Variants in PLCG2 observed in about 807,000 individuals in gnomAD.
PLCG2 encodes phospholipase C gamma 2, also known as 1-phosphatidylinositol 4,5-bisphosphate phosphodiesterase gamma-2.
A neutral mutation model predicts 175.6 loss-of-function variants in PLCG2; 69 were observed. That is an observed-to-expected ratio of 0.39 (90% CI 0.32 to 0.48). The LOEUF is 0.48. Ranked by LOEUF, PLCG2 falls within the 20% of genes least tolerant of loss-of-function variation. The pLI, the probability that PLCG2 is intolerant of heterozygous loss-of-function variation, is 0.91. For missense variants in PLCG2, 1,798 were observed against 1,650.9 expected, an observed-to-expected ratio of 1.09 and a Z score of -1.54; for synonymous variants, 827 against 624.0, an observed-to-expected ratio of 1.33 and a Z score of -4.85.
At chr16:81,889,498 C>A (rs968492887) in intron 10 of PLCG2, 4 of 436,016 alleles carry the variant, frequency 9.2e-6, no homozygotes, top group African/African-American at 2.0e-5. Flanking sequence ...TGCCTGCTGC[C>A]TAGACAGAAC....
intron 13 of PLCG2, chr16:81,897,937 C>T (rs1908971099): frequency 2.2e-6 from 1 of 448,782 alleles, no homozygotes; most frequent in African/African-American, 2.0e-5. Context: ...CGTCTTTTCG[C>T]ACTTGGTGAA....
intron 24 of PLCG2, among the ~76,000 whole-genome samples, chr16:81,930,489 T>C (rs1910454439): frequency 6.6e-6 from 1 of 152,190 alleles, no homozygotes; most frequent in Non-Finnish European, 1.5e-5. Context: ...GGCTCATTCC[T>C]GTAATCCCAG....
chr16:81,890,129 C>T (rs933764650), intron 10 of PLCG2, among the ~76,000 whole-genome samples: 3 of 152,022 alleles, frequency 2.0e-5, no homozygotes, highest in Non-Finnish European at 4.4e-5. Context: ...TCTCAAAAGG[C>T]CAATCTTAGG....
At chr16:81,850,753 C>G (rs993125779) in intron 2 of PLCG2, among the ~76,000 whole-genome samples, 1 of 152,134 alleles carries the variant, frequency 6.6e-6, no homozygotes. Context: ...AGAGCTTCTT[C>G]CTGTGTTGCA....
At chr16:81,858,158 A>G (rs1199840455) in intron 3 of PLCG2, 105 bp from the exon 4 acceptor site, 1 of 811,024 alleles carries the variant, frequency 1.2e-6, no homozygotes, top group East Asian at 2.5e-5. Context: ...ACTAGAAACC[A>G]GCATAGGCTT....
At chr16:81,908,317 A>T (rs916657979) in intron 16 of PLCG2, 99 bp from the exon 17 acceptor site, 17 of 1,138,102 alleles carry the variant, frequency 1.5e-5, no homozygotes, top group Non-Finnish European at 2.0e-5. Context: ...TCTCTATGTT[A>T]TCTGGTACCC....
intron 7 of PLCG2, among the ~76,000 whole-genome samples, chr16:81,874,650 A>G (rs562806141): frequency 6.6e-6 from 1 of 152,258 alleles, no homozygotes; most frequent in East Asian, 1.9e-4. Flanking sequence ...ATTTATGGTG[A>G]CTTATAATCC....
At chr16:81,818,748 A>G (rs1229006041) in intron 2 of PLCG2, among the ~76,000 whole-genome samples, 1 of 151,982 alleles carries the variant, frequency 6.6e-6, no homozygotes, top group African/African-American at 2.4e-5. Context: ...GTTTCCATGG[A>G]AACTGAGGGC....
chr16:81,920,873 A>T (rs940958280), intron 20 of PLCG2, among the ~76,000 whole-genome samples: 1 of 152,172 alleles, frequency 6.6e-6, no homozygotes, highest in Non-Finnish European at 1.5e-5. Flanking sequence ...TCAGGAAGTG[A>T]TGTACACAGT....
intron 2 of PLCG2, among the ~76,000 whole-genome samples, chr16:81,841,387 C>T (rs190846990): frequency 2.4e-3 from 369 of 152,106 alleles, no homozygotes; most frequent in Non-Finnish European, 3.9e-3. Flanking sequence ...CACCCAGGCG[C>T]TTACTACCAT....
chr16:81,826,872 A>G (rs1905068987), intron 2 of PLCG2, among the ~76,000 whole-genome samples: 1 of 152,146 alleles, frequency 6.6e-6, no homozygotes, highest in Non-Finnish European at 1.5e-5. Flanking sequence ...GTTTTTAAAA[A>G]GTTCTTCTTC....
At chr16:81,786,286 G>C in intron 2 of PLCG2, 104 bp downstream of exon 2, 1 of 930,880 alleles carries the variant, frequency 1.1e-6, no homozygotes. Context: ...TTGTTGGTTT[G>C]ATGTGTTCTT....
chr16:81,935,450 C>T (rs1910668467), intron 26 of PLCG2: 1 of 828,104 alleles, frequency 1.2e-6, no homozygotes, highest in African/African-American at 1.8e-5. Context: ...CCTTCTACCA[C>T]ATTCTCCAGG....
intron 2 of PLCG2, among the ~76,000 whole-genome samples, chr16:81,760,414 T>G (rs1418941751): frequency 6.6e-6 from 1 of 152,170 alleles, no homozygotes; most frequent in East Asian, 1.9e-4. Context: ...CTTCTCTTGT[T>G]GGTGGCTTTT....
chr16:81,818,162 C>T (rs935216136), intron 2 of PLCG2, among the ~76,000 whole-genome samples: 2 of 152,200 alleles, frequency 1.3e-5, no homozygotes, highest in African/African-American at 4.8e-5. Flanking sequence ...TAAGCTCTTA[C>T]TCCCGTTAGG....
intron 2 of PLCG2, among the ~76,000 whole-genome samples, chr16:81,766,169 T>C (rs555748395): frequency 3.9e-5 from 6 of 152,276 alleles, no homozygotes; most frequent in African/African-American, 1.2e-4. Flanking sequence ...AGCTGTGACC[T>C]TTAGAGTCAA....
chr16:81,770,057 G>A (rs1289104421), intron 2 of PLCG2, among the ~76,000 whole-genome samples: 2 of 152,100 alleles, frequency 1.3e-5, no homozygotes, highest in East Asian at 1.9e-4. Flanking sequence ...GTGGATTTTG[G>A]TAAGCCAAAA....
In PLCG2 at chr16:81,871,069, T is replaced by C. The variant is rs7192509; in HGVS notation, c.648+134T>C. 314,669 of 539,096 alleles carry C rather than the reference T, an allele frequency of 0.58. 93,463 individuals are homozygous for C. The highest frequency in any genetic ancestry group is 0.61 in the Non-Finnish European group (187,787 of 306,332). 33.4% of individuals were successfully genotyped at this position (539,096 alleles called of 1,614,324 possible). A position where few individuals can be genotyped will look rare whatever the true frequency, so the allele number is the denominator to read the frequency against. ...GTCAAGGAAACATAAATGAGAATGA[T>C]GAAAGCATACCATTTTCATCCATTA... On this transcript the variant is annotated intron_variant, in intron 7 of 32. Coordinates refer to ENST00000564138, the MANE Select transcript of PLCG2 (RefSeq NM_002661.5).
chr16:81,791,516 C>A (rs1052877964), intron 2 of PLCG2, among the ~76,000 whole-genome samples: 6 of 152,178 alleles, frequency 3.9e-5, no homozygotes, highest in African/African-American at 1.4e-4. Context: ...TTCACTCACA[C>A]ATCTGATACC....
Sources: gnomAD v4.1 joint callset for allele counts (sites outside exome capture counted in the v4.1 genomes callset) on GRCh38, gnomAD v4.1.1 for gene constraint, MANE v1.5 for transcripts, NCBI Gene and HGNC (gene_info 2026-07-23, HGNC 2026-07-21) for gene names.